Variants in ANO3 observed in about 807,000 individuals in gnomAD.
The protein encoded by ANO3 is anoctamin 3, also known as anoctamin-3.
Under a neutral mutation model 144.8 loss-of-function variants are expected in ANO3, and 99 were observed. That is an observed-to-expected ratio of 0.68 (90% CI 0.58 to 0.81). The LOEUF is 0.81. Ranked by LOEUF, ANO3 falls within the 30% of genes least tolerant of loss-of-function variation. The pLI, the probability that ANO3 is intolerant of heterozygous loss-of-function variation, is 0.00. For missense variants in ANO3, 905 were observed against 1,202.2 expected (o/e 0.75, Z 3.66); for synonymous variants, 414 against 392.6 (o/e 1.05, Z -0.64).
intron 1 of ANO3, among the ~76,000 whole-genome samples, chr11:26,363,865 C>T (rs1855993048): frequency 6.6e-6 from 1 of 151,674 alleles, no homozygotes; most frequent in Non-Finnish European, 1.5e-5. Context: ...TGACCTAACT[C>T]ATATAGCAAA....
chr11:26,246,391 G>C (rs1310950410), intron 1 of ANO3, among the ~76,000 whole-genome samples: 1 of 150,888 alleles, frequency 6.6e-6, no homozygotes, highest in Non-Finnish European at 1.5e-5. Context: ...CTTATTAATA[G>C]ACTGTGTCAT....
intron 23 of ANO3, among the ~76,000 whole-genome samples, chr11:26,645,911 T>A (rs1853328323): frequency 6.6e-6 from 1 of 152,136 alleles, no homozygotes; most frequent in Non-Finnish European, 1.5e-5. Flanking sequence ...AAATAAATTT[T>A]AAAAAACTTC....
intron 1 of ANO3, among the ~76,000 whole-genome samples, chr11:26,394,768 G>A (rs1049678376): frequency 1.3e-5 from 2 of 151,792 alleles, no homozygotes; most frequent in Non-Finnish European, 2.9e-5. Flanking sequence ...TAGAGACAGG[G>A]TTTCACCATG....
intron 4 of ANO3, among the ~76,000 whole-genome samples, chr11:26,466,958 T>C (rs563904181): frequency 1.3e-5 from 2 of 152,104 alleles, no homozygotes; most frequent in South Asian, 4.1e-4. Flanking sequence ...CCAAGTATAT[T>C]TTAAATAGCA....
At chr11:26,265,187 C>G (rs369658972) in intron 1 of ANO3, among the ~76,000 whole-genome samples, 5 of 152,260 alleles carry the variant, frequency 3.3e-5, no homozygotes, top group African/African-American at 1.2e-4. Flanking sequence ...TCTTCAAGAA[C>G]TAACTTTAGC....
intron 1 of ANO3, among the ~76,000 whole-genome samples, chr11:26,338,478 A>G (rs1488730049): frequency 6.6e-6 from 1 of 151,018 alleles, no homozygotes; most frequent in African/African-American, 2.4e-5. Context: ...AATCAGCAGA[A>G]TGTGGGAGGG....
rs373204299 is a variant in ANO3 at position 26,538,942 on chromosome 11, T to A, written c.1032+1481T>A. 2.0e-5 allele frequency among the ~76,000 whole-genome samples: 3 copies of A among 152,072 alleles called. No individual in the cohort carries two copies. In the East Asian group the frequency reaches 5.8e-4, roughly 29 times the overall value. On this transcript the variant is annotated intron_variant, in intron 10 of 26. Coordinates refer to ENST00000256737, the MANE Select transcript of ANO3 (RefSeq NM_031418.4). ...GTCAATGGCTTTGACTCTGATTTGA[T>A]TAAGGATAGTTCACAATTCTAGGCT...
rs1227505371 is a variant in ANO3 at position 26,599,600 on chromosome 11, T to G, written c.1722T>G (p.Val574=). 1 of 1,614,048 alleles carries G rather than the reference T, an allele frequency of 6.2e-7. No homozygotes were observed. Among genetic ancestry groups the G allele is most frequent in the Non-Finnish European group, 8.5e-7 (1 of 1,180,010 alleles). The part of the protein sequence containing the change: ...AVFGVVVYRL[V]VMEQFASFKW... ...TTGGAGTTGTGGTGTACCGCCTGGT[T>G]GTCATGGAACAGTTTGCATCATTCA... Residue 574 remains valine, a synonymous_variant, in exon 17 of 27, where the codon GTT becomes GTG. Coordinates refer to ENST00000256737, the MANE Select transcript of ANO3 (RefSeq NM_031418.4).
chr11:26,506,103 G>T (rs1021031873), intron 4 of ANO3, among the ~76,000 whole-genome samples: 1 of 151,436 alleles, frequency 6.6e-6, no homozygotes, highest in Non-Finnish European at 1.5e-5. Context: ...GGAGGCAAAC[G>T]CCCTCTAAAA....
At chr11:26,278,936 G>T (rs1853618036) in intron 1 of ANO3, among the ~76,000 whole-genome samples, 1 of 152,098 alleles carries the variant, frequency 6.6e-6, no homozygotes, top group Non-Finnish European at 1.5e-5. Context: ...AATAGAAGTT[G>T]CTATGTAGAC....
rs1482900376 is a variant in ANO3 at position 26,421,960 on chromosome 11, CGGA to C, written c.47-19952_47-19950del. 3.3e-5 allele frequency among the ~76,000 whole-genome samples: 5 copies of C among 151,694 alleles called. No individual in the cohort carries two copies. In the Admixed American group the frequency reaches 3.3e-4, roughly 10 times the overall value. On this transcript the variant is annotated intron_variant, in intron 1 of 26. Transcript: ENST00000256737. ...TGGGGCCTTTCAGAGGGTGGAGGGTCGGAGGAGGGAAAGGATCACAAAAATTAA... is the reference window on the plus strand; with the variant it reads ...TGGGGCCTTTCAGAGGGTGGAGGGTCGGAGGGAAAGGATCACAAAAATTAA...
At position 26,508,187 on chromosome 11, in the gene ANO3, GACAAATAT is replaced by G; in HGVS notation, c.521_528del (p.Asn174IlefsTer2). ...TTGATTACATCTTGGTTTATAGAAA[GACAAATAT>G]ACAATATGATAAAAGAAACACATTT... On this transcript the variant is annotated frameshift_variant, in exon 5 of 27. Coordinates refer to ENST00000256737, the MANE Select transcript of ANO3 (RefSeq NM_031418.4). LOFTEE classifies it high-confidence loss of function. 6.2e-7 allele frequency: 1 copy of G among 1,605,630 alleles called. No individual in the cohort carries two copies. The highest frequency in any genetic ancestry group is 8.5e-7 in the Non-Finnish European group (1 of 1,177,498).
At chr11:26,294,224 G>A (rs1013930197) in intron 1 of ANO3, among the ~76,000 whole-genome samples, 1 of 152,166 alleles carries the variant, frequency 6.6e-6, no homozygotes, top group Admixed American at 6.5e-5. Flanking sequence ...ATTGCCTCAA[G>A]ACTGTCATCA....
intron 1 of ANO3, among the ~76,000 whole-genome samples, chr11:26,220,624 G>A (rs1444259555): frequency 1.3e-5 from 2 of 152,236 alleles, no homozygotes; most frequent in Non-Finnish European, 2.9e-5. Flanking sequence ...TCTCATTGGA[G>A]GAGACAATAT....
At chr11:26,432,570 A>G (rs571312380) in intron 1 of ANO3, among the ~76,000 whole-genome samples, 1 of 151,920 alleles carries the variant, frequency 6.6e-6, no homozygotes, top group South Asian at 2.1e-4. Flanking sequence ...TCTTGAGTTG[A>G]TTTTTGTTTA....
chr11:26,303,184 A>C (rs1854277240), intron 1 of ANO3, among the ~76,000 whole-genome samples: 1 of 152,198 alleles, frequency 6.6e-6, no homozygotes, highest in African/African-American at 2.4e-5. Flanking sequence ...CAGCTATCCC[A>C]TTACTGGGCA....
intron 14 of ANO3, among the ~76,000 whole-genome samples, chr11:26,571,861 G>A (rs1037071948): frequency 2.6e-5 from 4 of 152,078 alleles, no homozygotes; most frequent in Non-Finnish European, 4.4e-5. Context: ...TACTCATTTG[G>A]AAGGTCATTA....
At chr11:26,276,680 AG>A (rs1239000188) in intron 1 of ANO3, among the ~76,000 whole-genome samples, 1 of 152,162 alleles carries the variant, frequency 6.6e-6, no homozygotes, top group Non-Finnish European at 1.5e-5. Context: ...ACGCTTTCAA[AG>A]GCCAATTCAA....
chr11:26,190,948 T>G (rs180744173), intron 1 of ANO3, among the ~76,000 whole-genome samples: 2 of 152,352 alleles, frequency 1.3e-5, no homozygotes. Flanking sequence ...CAGTCGCATT[T>G]ATGTGTTTAT....
Sources: gnomAD v4.1 joint callset for allele counts (sites outside exome capture counted in the v4.1 genomes callset) on GRCh38, gnomAD v4.1.1 for gene constraint, MANE v1.5 for transcripts, NCBI Gene and HGNC (gene_info 2026-07-23, HGNC 2026-07-21) for gene names.